CAMKK2: variants seen among roughly 807,000 people sequenced by gnomAD.
CAMKK2 encodes calcium/calmodulin-dependent protein kinase kinase 2.
Under a neutral mutation model 67.2 loss-of-function variants are expected in CAMKK2, and 30 were observed. The ratio of observed to expected loss-of-function variants is 0.45; its 90% confidence interval spans 0.33 to 0.61. The LOEUF is 0.61. Among genes scored for constraint, CAMKK2 ranks in the 20% least tolerant of loss-of-function variants. The probability of loss-of-function intolerance (pLI) is 0.02; values close to 1 mark genes in which losing one functional copy is unlikely to be tolerated. For synonymous variants in CAMKK2, 322 were observed against 326.2 expected (o/e 0.99, Z 0.14); for missense variants, 643 against 802.0 (o/e 0.80, Z 2.39).
intron 16 of CAMKK2, among the ~76,000 whole-genome samples, chr12:121,242,324 C>G (rs1295011554): frequency 6.7e-6 from 1 of 149,016 alleles, no homozygotes; most frequent in African/African-American, 2.5e-5. Flanking sequence ...ACCTGGGCAA[C>G]AGTGCAAGAC....
At chr12:121,262,457 A>G (rs1009776168) in intron 6 of CAMKK2, among the ~76,000 whole-genome samples, 5 of 151,818 alleles carry the variant, frequency 3.3e-5, no homozygotes, top group Non-Finnish European at 4.4e-5. Context: ...GGTTGCAGTG[A>G]GCTGAGATTG....
intron 3 of CAMKK2, 84 bp from the exon 4 acceptor site, chr12:121,269,665 G>T: frequency 9.5e-7 from 1 of 1,055,860 alleles, no homozygotes; most frequent in African/African-American, 1.6e-5. Flanking sequence ...GTTGCAAACC[G>T]GCAGCCCATT....
rs1893982431 is a variant in CAMKK2, at chr12:121,263,906, G to A, written c.659C>T (p.Pro220Leu). The A allele has an allele frequency of 6.2e-7, 1 of 1,609,142 alleles. No homozygotes were observed. Among genetic ancestry groups the A allele is most frequent in the African/African-American group, 1.3e-5 (1 of 74,838 alleles). ...GCCCCTGGGCTGGATGCAGCCTCCA[G>A]GAGCTGGCCGGGTGCCTCGGGGTGG... ...RPPPRGTRPAPGGCIQPRGPI... is the reference protein window; with the variant it reads ...RPPPRGTRPALGGCIQPRGPI... The change falls in exon 6 of 17, where the codon CCT (proline) becomes CTT (leucine). Residue 220 changes from proline to leucine, a missense_variant. Physicochemically the swap from Pro to Leu is moderately conservative, Grantham distance 98. Transcript: ENST00000404169.
intron 5 of CAMKK2, among the ~76,000 whole-genome samples, chr12:121,265,656 C>T (rs1221775047): frequency 6.6e-6 from 1 of 151,986 alleles, no homozygotes; most frequent in African/African-American, 2.4e-5. Context: ...ATCATGAGGT[C>T]AGGAGATCGA....
intron 7 of CAMKK2, among the ~76,000 whole-genome samples, chr12:121,256,967 T>G (rs1892417621): frequency 6.6e-6 from 1 of 152,080 alleles, no homozygotes; most frequent in Non-Finnish European, 1.5e-5. Context: ...GTTATTTAAT[T>G]TGATTCTGCT....
At chr12:121,263,233 G>A (rs141499885) in intron 6 of CAMKK2, among the ~76,000 whole-genome samples, 152 of 149,966 alleles carry the variant, frequency 1.0e-3, no homozygotes, top group African/African-American at 3.6e-3. Context: ...ACAGCATGTG[G>A]GCCAAATTCA....
In CAMKK2 at chr12:121,251,255, T is replaced by C. The variant is rs147968444; in HGVS notation, c.1162-1221A>G. On this transcript the variant is annotated intron_variant, in intron 11 of 16. Coordinates refer to ENST00000404169, the MANE Select transcript of CAMKK2 (RefSeq NM_001270485.2). ...AAATACATTAAGAAACCAGATGGAC[T>C]GAGGGATGGGTAAGGAATGAACAGA... Among the ~76,000 whole-genome samples the C allele has an allele frequency of 5.9e-5, 9 of 152,290 alleles. No homozygotes were observed. In the East Asian group the frequency reaches 1.5e-3, roughly 26 times the overall value.
Position 121,240,333 on chromosome 12 carries a change from C to G in CAMKK2, c.*366G>C. Reference sequence around the variant, plus strand: ...CCGGAGTTTTCTGCTCGCCTTTCCACAGTTGTCAAACCCCACACACAGTCA... The same window carrying G: ...CCGGAGTTTTCTGCTCGCCTTTCCAGAGTTGTCAAACCCCACACACAGTCA... On this transcript the variant is annotated 3_prime_UTR_variant, in exon 17 of 17. Transcript: ENST00000404169. The surrounding 1 kb of genome is among the most constrained non-coding windows in gnomAD (Gnocchi z 4.4). 1 of 1,129,612 alleles carries G rather than the reference C, an allele frequency of 8.9e-7. No homozygotes were observed. The highest frequency in any genetic ancestry group is 1.2e-6 in the Non-Finnish European group (1 of 811,424). 70.0% of individuals were successfully genotyped at this position (1,129,612 alleles called of 1,614,324 possible).
At chr12:121,286,093 C>T (rs557400664) in intron 1 of CAMKK2, among the ~76,000 whole-genome samples, 1 of 152,264 alleles carries the variant, frequency 6.6e-6, no homozygotes, top group African/African-American at 2.4e-5. Context: ...ACTACATGAG[C>T]CAACATATTT....
intron 7 of CAMKK2, among the ~76,000 whole-genome samples, chr12:121,256,878 A>G (rs965100260): frequency 1.3e-5 from 2 of 152,082 alleles, no homozygotes; most frequent in African/African-American, 2.4e-5. Context: ...GTGTACATGG[A>G]TATGTTCATG....
intron 11 of CAMKK2, 41 bp from the exon 12 acceptor site, chr12:121,250,075 C>T (rs1450126284): frequency 1.3e-6 from 2 of 1,528,948 alleles, no homozygotes; most frequent in East Asian, 4.6e-5. Flanking sequence ...CAATGGCGGC[C>T]ACATCTGCCC....
At chr12:121,249,700 G>T in intron 13 of CAMKK2, 87 bp downstream of exon 13, 1 of 1,059,616 alleles carries the variant, frequency 9.4e-7, no homozygotes, top group Non-Finnish European at 1.5e-6. Context: ...AGGGTGTGGT[G>T]CTGTGGACAC....
chr12:121,262,897 G>GT (rs1893749897), intron 6 of CAMKK2, among the ~76,000 whole-genome samples: 1 of 152,000 alleles, frequency 6.6e-6, no homozygotes, highest in Non-Finnish European at 1.5e-5. Flanking sequence ...AATTTTCTCA[G>GT]TTTTAAATTA....
chr12:121,260,129 T>C (rs537710821), intron 7 of CAMKK2, among the ~76,000 whole-genome samples, 190 bp downstream of exon 7: 1 of 152,344 alleles, frequency 6.6e-6, no homozygotes, highest in East Asian at 1.9e-4. Flanking sequence ...CAGATAAAGT[T>C]CCAGCAAGAA....
intron 9 of CAMKK2, among the ~76,000 whole-genome samples, chr12:121,255,278 T>TTATATATATAATTTTA (rs1566058750): frequency 1.6e-5 from 1 of 64,500 alleles, no homozygotes; most frequent in Non-Finnish European, 2.8e-5. Context: ...ATATATATAA[T>TTATATATATAATTTTA]TATATATATA....
chr12:121,244,484 C>T, intron 16 of CAMKK2, 89 bp downstream of exon 16: 1 of 1,256,916 alleles, frequency 8.0e-7, no homozygotes. Flanking sequence ...GAGCATCTGC[C>T]CGGGTGGGGA....
In CAMKK2 at chr12:121,253,048, C is replaced by T. The variant is rs1891103730; in HGVS notation, c.1107+225G>A. Among the ~76,000 whole-genome samples, 1 of 152,192 alleles carries T rather than the reference C, an allele frequency of 6.6e-6. No individual in the cohort carries two copies. Among genetic ancestry groups the T allele is most frequent in the Admixed American group, 6.5e-5 (1 of 15,280 alleles). Reference sequence around the variant, plus strand: ...TAGAAAGTAACCTGGTCCCTGGGTGCCTGACCCACCTGTGGAGGAAACCAA... The same window carrying T: ...TAGAAAGTAACCTGGTCCCTGGGTGTCTGACCCACCTGTGGAGGAAACCAA... On this transcript the variant is annotated intron_variant, in intron 10 of 16. Coordinates refer to ENST00000404169, the MANE Select transcript of CAMKK2 (RefSeq NM_001270485.2). This position sits in a 1 kb window ranked among gnomAD's most constrained non-coding sequence, Gnocchi z 5.0.
chr12:121,278,694 G>A (rs1191770075), intron 1 of CAMKK2, among the ~76,000 whole-genome samples: 1 of 152,188 alleles, frequency 6.6e-6, no homozygotes, highest in Non-Finnish European at 1.5e-5. Context: ...CTTGACTTCC[G>A]CCATGATTAT....
chr12:121,271,209 A>G (rs896150536), intron 2 of CAMKK2, among the ~76,000 whole-genome samples: 2 of 148,594 alleles, frequency 1.3e-5, no homozygotes, highest in Non-Finnish European at 3.0e-5. Flanking sequence ...CAGGAGGTGG[A>G]GGTTGCTTGA....
Sources: gnomAD v4.1 joint callset for allele counts (sites outside exome capture counted in the v4.1 genomes callset) on GRCh38, gnomAD v4.1.1 for gene constraint, Gnocchi (gnomAD v3.1) non-coding constraint, MANE v1.5 for transcripts, NCBI Gene and HGNC (gene_info 2026-07-23, HGNC 2026-07-21) for gene names.